Variants in SLC12A5 observed in about 807,000 individuals in gnomAD.
SLC12A5 encodes K-Cl cotransporter 2.
SLC12A5 carries 18 observed loss-of-function variants against 124.0 expected under a neutral mutation model. The ratio of observed to expected loss-of-function variants is 0.15; its 90% CI spans 0.10 to 0.22. The LOEUF (loss-of-function observed/expected upper bound fraction) is 0.22, where lower values mean the gene tolerates loss of function less well. Among genes scored for constraint, SLC12A5 ranks in the 10% least tolerant of loss-of-function variants. The pLI is 1.00. For synonymous variants in SLC12A5, 589 were observed against 568.0 expected (o/e 1.04, Z -0.53); for missense variants, 867 against 1,478.7 (o/e 0.59, Z 6.78).
chr20:46,048,969 G>A (rs1322636476), intron 16 of SLC12A5, among the ~76,000 whole-genome samples: 1 of 152,118 alleles, frequency 6.6e-6, no homozygotes, highest in Non-Finnish European at 1.5e-5. Flanking sequence ...AGCCCTGGGT[G>A]CTGCATGCCC....
At chr20:46,042,633 G>T (rs918419689) in intron 8 of SLC12A5, among the ~76,000 whole-genome samples, 1 of 152,100 alleles carries the variant, frequency 6.6e-6, no homozygotes, top group Non-Finnish European at 1.5e-5. Flanking sequence ...TTATCTGGCC[G>T]GGAGTGTCAC....
chr20:46,041,426 T>G lies in SLC12A5; in HGVS notation c.952T>G (p.Trp318Gly). 1 of 1,614,130 alleles carries G rather than the reference T, an allele frequency of 6.2e-7. No homozygotes were observed. Among genetic ancestry groups the G allele is most frequent in the Non-Finnish European group, 8.5e-7 (1 of 1,180,006 alleles). ...AAATGAGACGGTGACCACACGGCTA[T>G]GGGGCCTTTTCTGCTCCTCTCGCTT... ...EGNETVTTRL[W>G]GLFCSSRFLN... Residue 318 changes from tryptophan to glycine, a missense_variant, in exon 8 of 26, where the codon TGG becomes GGG. Physicochemically the swap from Trp to Gly is radical, Grantham distance 184. Transcript: ENST00000243964.
intron 6 of SLC12A5, among the ~76,000 whole-genome samples, chr20:46,040,065 A>T (rs12480942): frequency 6.6e-6 from 1 of 152,190 alleles, no homozygotes; most frequent in Non-Finnish European, 1.5e-5. Context: ...ATGGGGTCAC[A>T]TTATGTTGCC....
intron 4 of SLC12A5, 90 bp from the exon 5 acceptor site, chr20:46,036,651 C>A: frequency 7.2e-7 from 1 of 1,392,862 alleles, no homozygotes; most frequent in Non-Finnish European, 1.0e-6. Flanking sequence ...GTGGGTTTGG[C>A]TGGTGTTTAT....
chr20:46,058,649 C>CT lies in SLC12A5; in HGVS notation c.*1045dup. Reference sequence around the variant, plus strand: ...CTCTCCTCAGTCGGCTTGTCGCCTGCTCCCCGTATCCCATGGCTCCTCGCC... The same window carrying CT: ...CTCTCCTCAGTCGGCTTGTCGCCTGCTTCCCCGTATCCCATGGCTCCTCGCC... On this transcript the variant is annotated 3_prime_UTR_variant, in exon 26 of 26. Transcript: ENST00000243964. The surrounding 1 kb of genome is among the most constrained non-coding windows in gnomAD (Gnocchi z 5.8). 1 of 399,070 alleles carries CT rather than the reference C, an allele frequency of 2.5e-6. No individual in the cohort carries two copies. Among genetic ancestry groups the CT allele is most frequent in the Non-Finnish European group, 4.4e-6 (1 of 226,078 alleles). 24.7% of individuals were successfully genotyped at this position (399,070 alleles called of 1,614,324 possible).
At chr20:46,054,483 T>G (rs757144014) in intron 20 of SLC12A5, among the ~76,000 whole-genome samples, 5 of 152,214 alleles carry the variant, frequency 3.3e-5, no homozygotes, top group Non-Finnish European at 7.3e-5. Context: ...TCTCAATTCA[T>G]GTGTCCATCC....
intron 14 of SLC12A5, among the ~76,000 whole-genome samples, chr20:46,047,148 C>T (rs977097389): frequency 1.3e-5 from 2 of 152,220 alleles, no homozygotes; most frequent in Non-Finnish European, 2.9e-5. Flanking sequence ...TCCCCTGAGA[C>T]CCTGGCCTCA....
At chr20:46,041,028 C>A (rs1383404047) in intron 7 of SLC12A5, 3 of 411,560 alleles carry the variant, frequency 7.3e-6, no homozygotes, top group African/African-American at 6.1e-5. Flanking sequence ...GACTCAGATC[C>A]AAGTCCACTC....
At position 46,043,311 on chromosome 20, in the gene SLC12A5, C is replaced by T. The variant is rs1041384521; in HGVS notation, c.1225C>T (p.Pro409Ser). Reference sequence around the variant, plus strand: ...CACCCTGCTGGTTGGCATCTACTTCCCCTCAGTCACAGGTGAAGGGGAGCT... The same window carrying T: ...CACCCTGCTGGTTGGCATCTACTTCTCCTCAGTCACAGGTGAAGGGGAGCT... ...YFTLLVGIYF[P>S]SVTGIMAGSN... The change falls in exon 9 of 26, where the codon CCC becomes TCC. Residue 409 changes from proline (P) to serine (S), a missense_variant. Physicochemically the swap from Pro to Ser is moderately conservative, Grantham distance 74. This residue lies in a region of SLC12A5 where 152 missense variants were observed against 358.7 expected (regional missense o/e 0.42). Coordinates refer to ENST00000243964, the MANE Select transcript of SLC12A5 (RefSeq NM_020708.5). 6.2e-7 allele frequency: 1 copy of T among 1,614,038 alleles called. No homozygotes were observed. Among genetic ancestry groups the T allele is most frequent in the Non-Finnish European group, 8.5e-7 (1 of 1,179,938 alleles).
chr20:46,021,800 C>T (rs1351713527), upstream of SLC12A5: 8 of 1,533,042 alleles, frequency 5.2e-6, no homozygotes, highest in Non-Finnish European at 7.0e-6. Flanking sequence ...TCGCTGCCCC[C>T]CGCAGGGCCC....
At position 46,029,457 on chromosome 20, in the gene SLC12A5, G is replaced by T; in HGVS notation, c.52+61G>T. 3 of 1,516,516 alleles carry T rather than the reference G, an allele frequency of 2.0e-6. No individual in the cohort carries two copies. The South Asian group carries it at 3.7e-5, about 19-fold the overall frequency. 93.9% of individuals were successfully genotyped at this position (1,516,516 alleles called of 1,614,324 possible). A position where few individuals can be genotyped will look rare whatever the true frequency, so the allele number is the denominator to read the frequency against. The stretch of plus-strand genomic sequence containing the variant: ...AGCGAGGAGAGGAGGCAGCTCTGGG[G>T]TTAGAGGCGGAGCGGGGGCCACCTC... On this transcript the variant is annotated intron_variant, in intron 1 of 25. Coordinates refer to ENST00000243964, the MANE Select transcript of SLC12A5 (RefSeq NM_020708.5).
At chr20:46,037,473 T>TG in intron 6 of SLC12A5, 88 bp downstream of exon 6, 1 of 1,392,724 alleles carries the variant, frequency 7.2e-7, no homozygotes, top group Non-Finnish European at 9.4e-7. Flanking sequence ...GGCCAGGCCA[T>TG]TCAGTGAGGC....
rs548761268 is a variant in SLC12A5 at position 46,054,585 on chromosome 20, C to A, written c.2680-331C>A. Among the ~76,000 whole-genome samples the A allele has an allele frequency of 5.9e-5, 9 of 152,330 alleles. No homozygotes were observed. The South Asian group carries it at 6.2e-4, about 11-fold the overall frequency. On this transcript the variant is annotated intron_variant, in intron 20 of 25. Transcript: ENST00000243964. ...CCATTCATTCTTGCATGTATTCATT[C>A]ATCGCTTTGTTCTTTTTCTTCTTTC... is the stretch of plus-strand genomic sequence containing the variant.
In SLC12A5 at chr20:46,043,692, A is replaced by G. The variant is rs374850295; in HGVS notation, c.1297A>G (p.Thr433Ala). ...DLRDAQKSIP[T>A]GTILAIATTS... ...GAGGGATGCCCAGAAGTCAATCCCC[A>G]CTGGCACCATCCTGGCCATCGCCAC... The change falls in exon 10 of 26, where the codon ACT becomes GCT. Residue 433 changes from threonine to alanine, a missense_variant. By Grantham distance (58) the Thr-to-Ala change is moderately conservative. Transcript: ENST00000243964. 6.2e-7 allele frequency: 1 copy of G among 1,614,030 alleles called. No homozygotes were observed. Among genetic ancestry groups the G allele is most frequent in the Non-Finnish European group, 8.5e-7 (1 of 1,180,030 alleles).
At chr20:46,052,827 C>T in intron 18 of SLC12A5, 130 bp from the exon 19 acceptor site, 1 of 968,954 alleles carries the variant, frequency 1.0e-6, no homozygotes, top group East Asian at 2.7e-5. Context: ...TCTGACCACT[C>T]AGCCCATGGC....
intron 1 of SLC12A5, chr20:46,022,860 C>T: frequency 7.5e-6 from 3 of 399,038 alleles, no homozygotes; most frequent in Non-Finnish European, 1.3e-5. Context: ...TCAGGGGGCA[C>T]TCATCAGGGG....
In SLC12A5 at chr20:46,035,012, G is replaced by C; in HGVS notation, c.117G>C (p.Glu39Asp). Residue 39 changes from glutamate (E) to aspartate (D), a missense_variant, in exon 2 of 26, where the codon GAG becomes GAC. Glu to Asp is a conservative substitution (Grantham distance 45). This residue lies in a region of SLC12A5 where 58 missense variants were observed against 52.2 expected (regional missense o/e 1.11). Transcript: ENST00000243964. Reference sequence around the variant, plus strand: ...GCACCGACACAGAGAAGGGAAAGGAGTATGATGGCAAGAACATGGCCTTGT... The same window carrying C: ...GCACCGACACAGAGAAGGGAAAGGACTATGATGGCAAGAACATGGCCTTGT... ...INSTDTEKGK[E>D]YDGKNMALFE... is the part of the protein sequence containing the mutation. 1 of 1,614,066 alleles carries C rather than the reference G, an allele frequency of 6.2e-7. No individual in the cohort carries two copies. Among genetic ancestry groups the C allele is most frequent in the Non-Finnish European group, 8.5e-7 (1 of 1,179,980 alleles).
At chr20:46,031,497 C>A (rs965132744) in intron 1 of SLC12A5, among the ~76,000 whole-genome samples, 3 of 152,190 alleles carry the variant, frequency 2.0e-5, no homozygotes, top group African/African-American at 7.2e-5. Flanking sequence ...ATTCTAGATT[C>A]TTGGGGATGT....
intron 1 of SLC12A5, 115 bp downstream of exon 1, chr20:46,029,511 G>A: frequency 2.6e-6 from 3 of 1,166,512 alleles, no homozygotes; most frequent in Admixed American, 2.9e-5. Context: ...GACTGACCCG[G>A]GCGGTGGGCG....
Sources: gnomAD v4.1 joint callset for allele counts (sites outside exome capture counted in the v4.1 genomes callset) on GRCh38, gnomAD v4.1.1 for gene constraint, gnomAD v4.1.1 regional missense constraint, Gnocchi (gnomAD v3.1) non-coding constraint, MANE v1.5 for transcripts, NCBI Gene and HGNC (gene_info 2026-07-23, HGNC 2026-07-21) for gene names.